Variants in THEMIS observed in about 807,000 individuals in gnomAD.
THEMIS encodes the protein thymocyte selection associated, also known as protein THEMIS.
A neutral mutation model predicts 52.6 loss-of-function variants in THEMIS; 37 were observed. That is an observed-to-expected ratio of 0.70 (90% CI 0.54 to 0.93). The LOEUF (loss-of-function observed/expected upper bound fraction) is 0.93. Among genes scored for constraint, THEMIS ranks in the 40% least tolerant of loss-of-function variants. The pLI is 0.00. For synonymous variants in THEMIS, 292 were observed against 272.7 expected, an observed-to-expected ratio of 1.07 and a Z score of -0.70; for missense variants, 808 against 763.1, an observed-to-expected ratio of 1.06 and a Z score of -0.69.
chr6:127,715,559 A>G (rs1774126799), intron 5 of THEMIS, among the ~76,000 whole-genome samples: 1 of 151,916 alleles, frequency 6.6e-6, no homozygotes, highest in African/African-American at 2.4e-5. Context: ...ATAGGAAACT[A>G]CTTAGGTTTT....
At chr6:127,779,622 T>C (rs943970874) in intron 4 of THEMIS, among the ~76,000 whole-genome samples, 52 of 152,310 alleles carry the variant, frequency 3.4e-4, no homozygotes, top group Middle Eastern at 3.4e-3. Flanking sequence ...GTATTTCTAA[T>C]GTGGTGTAGG....
chr6:127,707,695 C>G (rs556978897), downstream of THEMIS, among the ~76,000 whole-genome samples: 1 of 152,044 alleles, frequency 6.6e-6, no homozygotes, highest in Non-Finnish European at 1.5e-5. Context: ...CTGACTCTCC[C>G]CAGCGTTTTA....
Position 127,708,242 on chromosome 6 carries a change from TA to T in THEMIS, c.*1742del. 1 of 152,178 alleles carries T rather than the reference TA, an allele frequency of 6.6e-6. No individual in the cohort carries two copies. The highest frequency in any genetic ancestry group is 2.1e-4 in the South Asian group (1 of 4,828). The allele number at this position is 152,178 out of a possible 1,614,324, so 9.4% of individuals were successfully genotyped here. On this transcript the variant is annotated 3_prime_UTR_variant, in exon 6 of 6. Transcript: ENST00000368248. Reference sequence around the variant, plus strand: ...ATTTTCAACCTTCCCAAATCTCCAATAGGTGAGCATGAAGTTTATTACACTT... The same window carrying T: ...ATTTTCAACCTTCCCAAATCTCCAATGGTGAGCATGAAGTTTATTACACTT...
At chr6:127,861,643 C>T (rs541373377) in intron 1 of THEMIS, among the ~76,000 whole-genome samples, 15 of 151,578 alleles carry the variant, frequency 9.9e-5, no homozygotes, top group African/African-American at 3.1e-4. Context: ...ATTAGCCGGT[C>T]ATGGTGGTGG....
intron 4 of THEMIS, among the ~76,000 whole-genome samples, chr6:127,751,404 TAATC>T (rs1440330845): frequency 2.6e-5 from 4 of 151,604 alleles, no homozygotes; most frequent in African/African-American, 7.3e-5. Flanking sequence ...ACTATAAAAA[TAATC>T]AATCACAAAG....
At chr6:127,761,631 C>T (rs946997699) in intron 4 of THEMIS, among the ~76,000 whole-genome samples, 5 of 152,152 alleles carry the variant, frequency 3.3e-5, no homozygotes, top group Non-Finnish European at 7.4e-5. Context: ...AAACCCTTCC[C>T]TATAGAAAGG....
chr6:127,849,189 T>C (rs1177935370), intron 2 of THEMIS, among the ~76,000 whole-genome samples: 2 of 152,058 alleles, frequency 1.3e-5, no homozygotes, highest in Admixed American at 1.3e-4. Context: ...GGGAATCCTT[T>C]CCCCATTTCT....
chr6:127,912,646 C>A (rs1486641019), intron 1 of THEMIS, among the ~76,000 whole-genome samples: 2 of 152,168 alleles, frequency 1.3e-5, no homozygotes, highest in African/African-American at 4.8e-5. Context: ...CCATGAGAAA[C>A]CCAAACCTGT....
intron 1 of THEMIS, among the ~76,000 whole-genome samples, chr6:127,874,534 G>C (rs149542980): frequency 1.3e-5 from 2 of 152,084 alleles, no homozygotes; most frequent in South Asian, 4.2e-4. Flanking sequence ...TCTAGGCTAC[G>C]TTGTGAGTTT....
chr6:127,801,678 A>AGATAAACCCTGCGCTGCCTGAGGC, intron 4 of THEMIS, among the ~76,000 whole-genome samples: 1 of 152,222 alleles, frequency 6.6e-6, no homozygotes, highest in African/African-American at 2.4e-5. Context: ...TTGTCTGAGG[A>AGATAAACCCTGCGCTGCCTGAGGC]GATAAACCCT....
At chr6:127,839,739 G>A (rs1183854505) in intron 2 of THEMIS, among the ~76,000 whole-genome samples, 1 of 151,966 alleles carries the variant, frequency 6.6e-6, no homozygotes, top group Non-Finnish European at 1.5e-5. Flanking sequence ...CGCAATTCTA[G>A]AAAGAAGTTA....
chr6:127,900,164 T>G (rs1253153945), intron 1 of THEMIS, among the ~76,000 whole-genome samples: 1 of 151,762 alleles, frequency 6.6e-6, no homozygotes, highest in Non-Finnish European at 1.5e-5. Context: ...CATGTAAAGA[T>G]TCTAGGTTGT....
At chr6:127,780,603 T>C (rs992833424) in intron 4 of THEMIS, among the ~76,000 whole-genome samples, 1 of 152,186 alleles carries the variant, frequency 6.6e-6, no homozygotes, top group African/African-American at 2.4e-5. Context: ...GGTGACAAAA[T>C]CTCTCAGCAT....
intron 4 of THEMIS, among the ~76,000 whole-genome samples, chr6:127,731,977 G>T (rs867794151): frequency 2.7e-4 from 39 of 146,856 alleles, no homozygotes; most frequent in African/African-American, 9.3e-4. Context: ...AAGTGCTGGG[G>T]TTACAAGCGT....
In THEMIS at chr6:127,718,567, T is replaced by C. The variant is rs143914747; in HGVS notation, c.1894+1121A>G. Among the ~76,000 whole-genome samples, 731 of 152,086 alleles carry C rather than the reference T, an allele frequency of 4.8e-3. 6 individuals carry two copies. The highest frequency in any genetic ancestry group is 8.6e-3 in the Non-Finnish European group (583 of 67,926). ...CTTTGATCTCAGGAATTGTGTTATCTGGTACTTTTTAGAATCCACAATCTT... is the reference window on the plus strand; with the variant it reads ...CTTTGATCTCAGGAATTGTGTTATCCGGTACTTTTTAGAATCCACAATCTT... On this transcript the variant is annotated intron_variant, in intron 5 of 5. Transcript: ENST00000368248.
chr6:127,829,453 C>A, intron 3 of THEMIS, 23 bp downstream of exon 3: 1 of 1,558,272 alleles, frequency 6.4e-7, no homozygotes, highest in Non-Finnish European at 8.7e-7. Context: ...GCTCATAGAA[C>A]ATCATTCTCA....
In THEMIS at chr6:127,763,332, T is replaced by C. The variant is rs62425515; in HGVS notation, c.1759-43509A>G. ...CTTTTGTGTGCATTATCTCATTGAA[T>C]CATCAAAAATCAATATTCGTGTTGT... On this transcript the variant is annotated intron_variant, in intron 4 of 5. Transcript: ENST00000368248. 9.0e-3 allele frequency among the ~76,000 whole-genome samples: 1,373 copies of C among 152,100 alleles called. 9 individuals are homozygous for C. Among genetic ancestry groups the C allele is most frequent in the Middle Eastern group, 0.02 (6 of 294 alleles).
chr6:127,728,303 T>G (rs1774624611), intron 4 of THEMIS, among the ~76,000 whole-genome samples: 1 of 152,186 alleles, frequency 6.6e-6, no homozygotes, highest in East Asian at 1.9e-4. Flanking sequence ...GGCGTTGTTT[T>G]GGTTTTATTT....
At chr6:127,730,828 T>A (rs973503591) in intron 4 of THEMIS, among the ~76,000 whole-genome samples, 1 of 152,226 alleles carries the variant, frequency 6.6e-6, no homozygotes, top group Non-Finnish European at 1.5e-5. Flanking sequence ...CAAGTGTGTA[T>A]GTGTGTGTTC....
Sources: allele counts gnomAD v4.1 joint callset (sites outside exome capture counted in the v4.1 genomes callset), GRCh38; gene constraint gnomAD v4.1.1; transcripts MANE v1.5; gene names NCBI Gene and HGNC (gene_info 2026-07-23, HGNC 2026-07-21).